RABGAP1L: variants seen among roughly 807,000 people sequenced by gnomAD.
RABGAP1L encodes RAB GTPase activating protein 1 like.
RABGAP1L carries 63 observed loss-of-function variants against 137.7 expected under a neutral mutation model. The ratio of observed to expected loss-of-function variants is 0.46; its 90% CI spans 0.37 to 0.56. The LOEUF is 0.56. RABGAP1L is among the 20% of genes least tolerant of loss of function. RABGAP1L has a pLI of 0.00. For synonymous variants in RABGAP1L, 431 were observed against 433.7 expected (o/e 0.99, Z 0.08); for missense variants, 1,095 against 1,244.0 (o/e 0.88, Z 1.80).
intron 18 of RABGAP1L, among the ~76,000 whole-genome samples, chr1:174,773,107 A>G (rs1294783765): frequency 6.6e-6 from 1 of 151,752 alleles, no homozygotes; most frequent in Non-Finnish European, 1.5e-5. Flanking sequence ...ACATACCACA[A>G]TCACAACTAG....
chr1:174,567,510 G>A (rs184569309), intron 13 of RABGAP1L, among the ~76,000 whole-genome samples: 1 of 152,268 alleles, frequency 6.6e-6, no homozygotes, highest in African/African-American at 2.4e-5. Flanking sequence ...AGTATATTTT[G>A]TTAGAGGGGA....
At chr1:174,650,759 A>G (rs938639344) in intron 14 of RABGAP1L, among the ~76,000 whole-genome samples, 2 of 148,732 alleles carry the variant, frequency 1.3e-5, no homozygotes, top group African/African-American at 2.5e-5. Flanking sequence ...CGGTCTATCA[A>G]TTTTGTTGAT....
At chr1:174,623,424 G>T (rs1672693462) in intron 13 of RABGAP1L, among the ~76,000 whole-genome samples, 1 of 152,094 alleles carries the variant, frequency 6.6e-6, no homozygotes. Flanking sequence ...AATTAAACAT[G>T]CTCATGGAAG....
At chr1:174,678,701 G>A (rs1677828690) in intron 14 of RABGAP1L, among the ~76,000 whole-genome samples, 1 of 152,188 alleles carries the variant, frequency 6.6e-6, no homozygotes, top group Non-Finnish European at 1.5e-5. Context: ...CTCTGACCTG[G>A]GGTTCTTGGC....
chr1:174,187,758 G>C (rs1666916281), intron 1 of RABGAP1L, among the ~76,000 whole-genome samples: 1 of 152,062 alleles, frequency 6.6e-6, no homozygotes, highest in Non-Finnish European at 1.5e-5. Context: ...AGGAAACTTA[G>C]AAACACTAGG....
chr1:174,876,949 A>G (rs1653213698), intron 19 of RABGAP1L, among the ~76,000 whole-genome samples: 1 of 152,160 alleles, frequency 6.6e-6, no homozygotes, highest in African/African-American at 2.4e-5. Flanking sequence ...AATTCTGAGA[A>G]ATTAAAATGG....
At chr1:174,978,670 C>A in intron 22 of RABGAP1L, 137 bp from the exon 23 acceptor site, 1 of 1,047,326 alleles carries the variant, frequency 9.5e-7, no homozygotes, top group Non-Finnish European at 1.3e-6. Flanking sequence ...CAAGATGCAG[C>A]TTCCATGAAG....
chr1:174,458,844 AAG>A (rs2149275481), intron 13 of RABGAP1L, among the ~76,000 whole-genome samples: 2 of 152,244 alleles, frequency 1.3e-5, no homozygotes, highest in South Asian at 4.1e-4. Context: ...CATAGTCTAA[AAG>A]AGTTAATTTA....
At chr1:174,162,158 G>T (rs1664522041) in intron 1 of RABGAP1L, among the ~76,000 whole-genome samples, 2 of 151,718 alleles carry the variant, frequency 1.3e-5, no homozygotes, top group South Asian at 4.2e-4. Context: ...TTTTACGCTG[G>T]TAGTTATGAT....
intron 10 of RABGAP1L, among the ~76,000 whole-genome samples, chr1:174,288,111 C>T (rs1676235549): frequency 6.6e-6 from 1 of 151,866 alleles, no homozygotes; most frequent in African/African-American, 2.4e-5. Flanking sequence ...ACTTTTACTC[C>T]CCCATCTCTC....
At chr1:174,481,903 G>GAAAAAAAAAA (rs200531757) in intron 13 of RABGAP1L, among the ~76,000 whole-genome samples, 3 of 140,884 alleles carry the variant, frequency 2.1e-5, no homozygotes. Context: ...GAAAAAAAAA[G>GAAAAAAAAAA]AAAAAAAAAA....
chr1:174,231,548 C>T (rs529140830), intron 4 of RABGAP1L, among the ~76,000 whole-genome samples, 193 bp downstream of exon 4: 14 of 152,224 alleles, frequency 9.2e-5, no homozygotes, highest in Admixed American at 3.9e-4. Context: ...TATTCTTGCA[C>T]TGCAATAAAG....
chr1:174,365,272 C>G (rs1009402955), intron 11 of RABGAP1L: 1 of 152,198 alleles, frequency 6.6e-6, no homozygotes, highest in Non-Finnish European at 1.5e-5. Context: ...TTGGAACTTT[C>G]TTTACATTCT....
intron 13 of RABGAP1L, among the ~76,000 whole-genome samples, chr1:174,403,294 T>C (rs192208272): frequency 0.021 from 3,230 of 150,832 alleles, 51 homozygotes; most frequent in Middle Eastern, 0.086. Context: ...TTTTTTTTTT[T>C]AAGAGACAGG....
chr1:174,318,624 C>CTTTCTTTCT (rs1558127949), intron 11 of RABGAP1L, among the ~76,000 whole-genome samples: 5 of 134,694 alleles, frequency 3.7e-5, no homozygotes, highest in Non-Finnish European at 7.9e-5. Flanking sequence ...TTCTTTCTTT[C>CTTTCTTTCT]TTTCTTTCTT....
At chr1:174,674,927 A>T (rs1315996715) in intron 14 of RABGAP1L, among the ~76,000 whole-genome samples, 1 of 152,020 alleles carries the variant, frequency 6.6e-6, no homozygotes, top group Non-Finnish European at 1.5e-5. Context: ...CCACTTTTTG[A>T]TGGGGTTGTT....
At chr1:174,490,221 C>G (rs761496511) in intron 13 of RABGAP1L, among the ~76,000 whole-genome samples, 6 of 152,050 alleles carry the variant, frequency 3.9e-5, no homozygotes, top group Middle Eastern at 3.2e-3. Flanking sequence ...TTGTAACGGT[C>G]TTTCTTGGGA....
At chr1:174,822,920 A>G (rs984736742) in intron 19 of RABGAP1L, among the ~76,000 whole-genome samples, 2 of 152,240 alleles carry the variant, frequency 1.3e-5, no homozygotes, top group Non-Finnish European at 2.9e-5. Context: ...AAAGAAAGCC[A>G]TACATACATT....
chr1:174,432,737 C>T (rs1652793755), intron 13 of RABGAP1L, among the ~76,000 whole-genome samples: 1 of 152,098 alleles, frequency 6.6e-6, no homozygotes, highest in South Asian at 2.1e-4. Flanking sequence ...AGGGTTTCAC[C>T]ATGTTGGCCA....
Sources: allele counts gnomAD v4.1 joint callset (sites outside exome capture counted in the v4.1 genomes callset), GRCh38; gene constraint gnomAD v4.1.1; transcripts MANE v1.5; gene names NCBI Gene and HGNC (gene_info 2026-07-23, HGNC 2026-07-21).